The following CUX2 variants were observed in gnomAD, a reference collection of about 807,000 sequenced individuals.
CUX2 encodes homeobox protein cut-like 2.
A neutral mutation model predicts 144.8 loss-of-function variants in CUX2; 40 were observed. The ratio of observed to expected loss-of-function variants is 0.28; its 90% CI spans 0.21 to 0.36. CUX2 has a LOEUF of 0.36. Ranked by LOEUF, CUX2 falls within the 10% of genes least tolerant of loss-of-function variation. The pLI is 1.00. For synonymous variants in CUX2, 827 were observed against 875.6 expected (o/e 0.94, Z 0.98); for missense variants, 1,615 against 1,994.0 (o/e 0.81, Z 3.62).
chr12:111,269,226 G>A (rs747441954), intron 4 of CUX2, among the ~76,000 whole-genome samples: 2 of 152,090 alleles, frequency 1.3e-5, no homozygotes, highest in Non-Finnish European at 2.9e-5. Context: ...ACCAGGCCTC[G>A]GACTAAATCA....
intron 1 of CUX2, among the ~76,000 whole-genome samples, chr12:111,078,384 GGGCCA>G (rs1412426357): frequency 6.6e-6 from 1 of 152,154 alleles, no homozygotes; most frequent in African/African-American, 2.4e-5. Flanking sequence ...CAGGTGTTGG[GGGCCA>G]GGTGCAGCAG....
At chr12:111,271,257 G>A (rs1457083040) in intron 4 of CUX2, among the ~76,000 whole-genome samples, 2 of 152,200 alleles carry the variant, frequency 1.3e-5, no homozygotes, top group African/African-American at 2.4e-5. Flanking sequence ...GCATATGCAT[G>A]CTGTCAACTT....
At chr12:111,202,915 CAG>C (rs952436301) in intron 1 of CUX2, among the ~76,000 whole-genome samples, 5 of 152,048 alleles carry the variant, frequency 3.3e-5, no homozygotes, top group African/African-American at 4.8e-5. Flanking sequence ...GGCTCCGAGA[CAG>C]AAACGTGCTT....
At chr12:111,292,241 C>T (rs2136332637) in intron 5 of CUX2, among the ~76,000 whole-genome samples, 1 of 152,338 alleles carries the variant, frequency 6.6e-6, no homozygotes, top group South Asian at 2.1e-4. Context: ...TGGAATATTA[C>T]TCGGCCATGA....
At chr12:111,180,922 A>G (rs1333191498) in intron 1 of CUX2, among the ~76,000 whole-genome samples, 1 of 152,266 alleles carries the variant, frequency 6.6e-6, no homozygotes, top group African/African-American at 2.4e-5. Context: ...TAAAATGCTT[A>G]GAGGGAATAA....
chr12:111,064,750 C>T (rs1870952565), intron 1 of CUX2, among the ~76,000 whole-genome samples: 1 of 152,134 alleles, frequency 6.6e-6, no homozygotes, highest in South Asian at 2.1e-4. Flanking sequence ...TGGGTTTTAT[C>T]CTGGCTCTGC....
At chr12:111,297,184 T>C (rs1288402637) in intron 8 of CUX2, among the ~76,000 whole-genome samples, 175 of 89,570 alleles carry the variant, frequency 2.0e-3, no homozygotes, top group Middle Eastern at 0.01. Context: ...ACGCCTCCTC[T>C]CTCTGACCCT....
chr12:111,183,233 G>T (rs947352571), intron 1 of CUX2, among the ~76,000 whole-genome samples: 1 of 152,276 alleles, frequency 6.6e-6, no homozygotes, highest in Non-Finnish European at 1.5e-5. Flanking sequence ...TGAACATCCA[G>T]TCGGGACTCA....
chr12:111,237,450 G>C (rs996140936), intron 3 of CUX2, among the ~76,000 whole-genome samples: 1 of 152,180 alleles, frequency 6.6e-6, no homozygotes, highest in Non-Finnish European at 1.5e-5. Flanking sequence ...CCTCCTGAAT[G>C]ATGGGCGTCC....
At chr12:111,117,562 A>G (rs1874381533) in intron 1 of CUX2, among the ~76,000 whole-genome samples, 2 of 152,240 alleles carry the variant, frequency 1.3e-5, no homozygotes, top group African/African-American at 2.4e-5. Flanking sequence ...AATATTTGAC[A>G]AAACAGCATG....
At chr12:111,204,480 A>G (rs556576639) in intron 1 of CUX2, among the ~76,000 whole-genome samples, 1 of 152,354 alleles carries the variant, frequency 6.6e-6, no homozygotes, top group South Asian at 2.1e-4. Context: ...AGGCCTGGTC[A>G]TGCTCCTGGT....
intron 1 of CUX2, among the ~76,000 whole-genome samples, chr12:111,086,790 G>C (rs1592879181): frequency 6.6e-6 from 1 of 152,158 alleles, no homozygotes; most frequent in Non-Finnish European, 1.5e-5. Context: ...GGCACAGCTG[G>C]GTGCAGTGGT....
rs147389725 is a variant in CUX2, at chr12:111,322,321, C to CAAAAAAAA, written c.2767-84_2767-77dup. ...CGACAGACAAAGCGAGACTCTGCCT[C>CAAAAAAAA]AAAAAAAAAAAAAAAAAAAAAAAGG... On this transcript the variant is annotated intron_variant, in intron 17 of 21. Coordinates refer to ENST00000261726, the MANE Select transcript of CUX2 (RefSeq NM_015267.4). This position sits in a 1 kb window ranked among gnomAD's most constrained non-coding sequence, Gnocchi z 4.2. 170 of 762,038 alleles carry CAAAAAAAA rather than the reference C, an allele frequency of 2.2e-4. No homozygotes were observed. Among genetic ancestry groups the CAAAAAAAA allele is most frequent in the African/African-American group, 1.0e-3 (42 of 40,306 alleles). The allele number at this position is 762,038 out of a possible 1,614,324, so 47.2% of individuals were successfully genotyped here.
rs895025837 is a variant in CUX2 at position 111,171,009 on chromosome 12, G to A, written c.64-43191G>A. The stretch of plus-strand genomic sequence containing the variant: ...GGGAATGGGAGGGGAGTGGGGAAGC[G>A]CCAGGTAGGGTCCAGCAAGGTGTTC... On this transcript the variant is annotated intron_variant, in intron 1 of 21. Transcript: ENST00000261726. The surrounding 1 kb of genome is among the most constrained non-coding windows in gnomAD (Gnocchi z 5.0). 7.2e-5 allele frequency among the ~76,000 whole-genome samples: 11 copies of A among 152,116 alleles called. No homozygotes were observed. Among genetic ancestry groups the A allele is most frequent in the Non-Finnish European group, 4.4e-5 (3 of 68,022 alleles).
At position 111,068,877 on chromosome 12, in the gene CUX2, G is replaced by C. The variant is rs1041582577; in HGVS notation, c.63+34637G>C. ...TCCCAGCACTTTGGGAGGCCGAGGC[G>C]GGTGGATCATTTGAGGTCAGGAGTT... On this transcript the variant is annotated intron_variant, in intron 1 of 21. Coordinates refer to ENST00000261726, the MANE Select transcript of CUX2 (RefSeq NM_015267.4). This position sits in a 1 kb window ranked among gnomAD's most constrained non-coding sequence, Gnocchi z 4.9. 6.6e-6 allele frequency among the ~76,000 whole-genome samples: 1 copy of C among 152,138 alleles called. No individual in the cohort carries two copies. The highest frequency in any genetic ancestry group is 1.5e-5 in the Non-Finnish European group (1 of 68,018).
chr12:111,190,949 C>T lies in CUX2; in HGVS notation c.64-23251C>T, dbSNP rs924033832. On this transcript the variant is annotated intron_variant, in intron 1 of 21. Transcript: ENST00000261726. The surrounding 1 kb of genome is among the most constrained non-coding windows in gnomAD (Gnocchi z 4.0). ...TCCTGACCCAGCAGCTGAGCACAGC[C>T]GACCTGCTCGCAGATCCAGCACGCC... Among the ~76,000 whole-genome samples the T allele has an allele frequency of 2.6e-5, 4 of 152,196 alleles. No homozygotes were observed. Among genetic ancestry groups the T allele is most frequent in the African/African-American group, 4.8e-5 (2 of 41,448 alleles).
chr12:111,047,083 C>T (rs940123837), intron 1 of CUX2, among the ~76,000 whole-genome samples: 7 of 152,220 alleles, frequency 4.6e-5, no homozygotes, highest in African/African-American at 1.4e-4. Context: ...CGGTTCCCAG[C>T]GTGTCTCCCA....
At chr12:111,165,709 C>A (rs1025270528) in intron 1 of CUX2, among the ~76,000 whole-genome samples, 4 of 152,140 alleles carry the variant, frequency 2.6e-5, no homozygotes, top group African/African-American at 7.2e-5. Context: ...GGGTGAGAAC[C>A]AGCTATAAGC....
At chr12:111,095,802 A>T (rs1347040253) in intron 1 of CUX2, among the ~76,000 whole-genome samples, 6 of 152,218 alleles carry the variant, frequency 3.9e-5, no homozygotes, top group Non-Finnish European at 8.8e-5. Flanking sequence ...AGCGAAACTC[A>T]CAGCCTCCAT....
Sources: allele counts gnomAD v4.1 joint callset (sites outside exome capture counted in the v4.1 genomes callset), GRCh38; gene constraint gnomAD v4.1.1; non-coding constraint Gnocchi (gnomAD v3.1); transcripts MANE v1.5; gene names NCBI Gene and HGNC (gene_info 2026-07-23, HGNC 2026-07-21).